GPN2: variants seen among roughly 807,000 people sequenced by gnomAD.
GPN2 encodes GPN-loop GTPase 2.
A neutral mutation model predicts 30.1 loss-of-function variants in GPN2; 27 were observed. The ratio of observed to expected loss-of-function variants is 0.90; its 90% CI spans 0.66 to 1.24. GPN2 has a LOEUF of 1.24. Among genes scored for constraint, GPN2 ranks in the 50% most tolerant of loss-of-function variants. The probability of loss-of-function intolerance (pLI) is 0.00; values close to 1 mark genes in which losing one functional copy is unlikely to be tolerated. For missense variants in GPN2, 406 were observed against 405.4 expected (o/e 1.00, Z -0.01); for synonymous variants, 212 against 174.4 (o/e 1.22, Z -1.70).
Position 26,884,196 on chromosome 1 carries a change from A to G in GPN2, c.824T>C (p.Met275Thr). 6.2e-7 allele frequency: 1 copy of G among 1,614,120 alleles called. No individual in the cohort carries two copies. Among genetic ancestry groups the G allele is most frequent in the Non-Finnish European group, 8.5e-7 (1 of 1,180,018 alleles). ...AQEQRSLEAM[M>T]SAAMGADFHF... The stretch of plus-strand genomic sequence containing the variant: ...GAAGTCGGCTCCCATTGCGGCAGAC[A>G]TCATGGCTTCCAAGCTTCGCTGCTC... Residue 275 changes from methionine (M) to threonine (T), a missense_variant, in exon 4 of 5, where the codon ATG becomes ACG. Physicochemically the swap from Met to Thr is moderately conservative, Grantham distance 81 (BLOSUM62 -1). Coordinates refer to ENST00000374135, the MANE Select transcript of GPN2 (RefSeq NM_018066.4).
intron 4 of GPN2, among the ~76,000 whole-genome samples, chr1:26,883,489 G>A (rs2124294527): frequency 6.6e-6 from 1 of 151,762 alleles, no homozygotes; most frequent in South Asian, 2.1e-4. Flanking sequence ...TGATCAATAT[G>A]AAATCAGTCA....
rs544334435 is a variant in GPN2, at chr1:26,884,118, G to A, written c.860+42C>T. 29 of 1,568,100 alleles carry A rather than the reference G, an allele frequency of 1.8e-5. No individual in the cohort carries two copies. The South Asian group carries it at 3.2e-4, about 17-fold the overall frequency. On this transcript the variant is annotated intron_variant, in intron 4 of 4. Coordinates refer to ENST00000374135, the MANE Select transcript of GPN2 (RefSeq NM_018066.4). ...TCCTGTGGCCATTCTTGAGTCCCATGTCTCACCCTCTCTGCTATGGCCAGG... is the reference window on the plus strand; with the variant it reads ...TCCTGTGGCCATTCTTGAGTCCCATATCTCACCCTCTCTGCTATGGCCAGG...
At chr1:26,885,010 T>G (rs2081883535) in intron 3 of GPN2, among the ~76,000 whole-genome samples, 1 of 152,086 alleles carries the variant, frequency 6.6e-6, no homozygotes, top group African/African-American at 2.4e-5. Flanking sequence ...AAAAAAACTA[T>G]AACTGTTTCC....
In GPN2 at chr1:26,876,972, C is replaced by T. The variant is rs2081840295; in HGVS notation, c.*2705G>A. On this transcript the variant is annotated 3_prime_UTR_variant, in exon 5 of 5. Transcript: ENST00000374135. The stretch of plus-strand genomic sequence containing the variant: ...CTCTGTGAGTGGCAAGCATCAAAAC[C>T]CACGACCACAGCCGTTGGTACTGCT... 6.6e-6 allele frequency: 1 copy of T among 151,872 alleles called. No homozygotes were observed. The highest frequency in any genetic ancestry group is 2.4e-5 in the African/African-American group (1 of 41,304). 9.4% of individuals were successfully genotyped at this position (151,872 alleles called of 1,614,324 possible). A position where few individuals can be genotyped will look rare whatever the true frequency, so the allele number is the denominator to read the frequency against.
chr1:26,884,854 T>C (rs2081882810), intron 3 of GPN2, among the ~76,000 whole-genome samples: 1 of 152,150 alleles, frequency 6.6e-6, no homozygotes, highest in African/African-American at 2.4e-5. Flanking sequence ...TGGTGATGGA[T>C]GCCTGTAATC....
chr1:26,880,631 TAA>T (rs1192731741), intron 4 of GPN2, among the ~76,000 whole-genome samples: 2 of 145,890 alleles, frequency 1.4e-5, no homozygotes, highest in Non-Finnish European at 3.0e-5. Flanking sequence ...TTTTATACTT[TAA>T]AAAAAAAAAA....
chr1:26,884,258 A>G lies in GPN2; in HGVS notation c.762T>C (p.Ala254=), dbSNP rs746516302. The G allele has an allele frequency of 4.3e-6, 7 of 1,613,636 alleles. No individual in the cohort carries two copies. In the East Asian group the frequency reaches 1.6e-4, roughly 36 times the overall value. ...DKESIQRVLQ[A]VDKANGYCFR... ...AACAGTATCCATTGGCTTTATCCAC[A>G]GCCTGCAGGACTCGCTGGATGCTCT... Residue 254 remains alanine (A), a synonymous_variant, in exon 4 of 5, where the codon GCT becomes GCC. Coordinates refer to ENST00000374135, the MANE Select transcript of GPN2 (RefSeq NM_018066.4).
rs1218069985 is a variant in GPN2, at chr1:26,877,781, A to T, written c.*1896T>A. ...CCGGGTGCAGTGGCTCACGCCTGTAATCCCAGCACTTTGGGAGGCCAAGGC... is the reference window on the plus strand; with the variant it reads ...CCGGGTGCAGTGGCTCACGCCTGTATTCCCAGCACTTTGGGAGGCCAAGGC... On this transcript the variant is annotated 3_prime_UTR_variant, in exon 5 of 5. Coordinates refer to ENST00000374135, the MANE Select transcript of GPN2 (RefSeq NM_018066.4). 4 of 152,352 alleles carry T rather than the reference A, an allele frequency of 2.6e-5. No individual in the cohort carries two copies. The highest frequency in any genetic ancestry group is 4.8e-5 in the African/African-American group (2 of 41,460). 9.4% of individuals were successfully genotyped at this position (152,352 alleles called of 1,614,324 possible). A position where few individuals can be genotyped will look rare whatever the true frequency, so the allele number is the denominator to read the frequency against.
In GPN2 at chr1:26,890,059, G is replaced by A. The variant is rs1447943290; in HGVS notation, c.38C>T (p.Ala13Val). 17 of 1,575,542 alleles carry A rather than the reference G, an allele frequency of 1.1e-5. No homozygotes were observed. In the East Asian group the frequency reaches 3.2e-4, roughly 29 times the overall value. The change falls in exon 1 of 5, where the codon GCG (alanine) becomes GTG (valine). Residue 13 changes from alanine to valine, a missense_variant. Physicochemically the swap from Ala to Val is moderately conservative, Grantham distance 64. Coordinates refer to ENST00000374135, the MANE Select transcript of GPN2 (RefSeq NM_018066.4). ...CCCTGAGCCCGGCGGGCCGATCACC[G>A]CCTGCCCGAAGGCCGTGGTCGGAGC... ...GAAPTTAFGQAVIGPPGSGKT... is the reference protein window; with the variant it reads ...GAAPTTAFGQVVIGPPGSGKT...
chr1:26,890,106 G>A lies in GPN2; in HGVS notation c.-10C>T, dbSNP rs2081913873. On this transcript the variant is annotated 5_prime_UTR_variant, in exon 1 of 5. Transcript: ENST00000374135. ...GAGCGGCCCCTGCCATTGGCGGCCC[G>A]CGGCCCGGAGCAGGTCAACTCACAG... 6.6e-7 allele frequency: 1 copy of A among 1,506,920 alleles called. No homozygotes were observed. The highest frequency in any genetic ancestry group is 8.8e-7 in the Non-Finnish European group (1 of 1,135,236). 93.3% of individuals were successfully genotyped at this position (1,506,920 alleles called of 1,614,324 possible). A position where few individuals can be genotyped will look rare whatever the true frequency, so the allele number is the denominator to read the frequency against.
chr1:26,882,928 G>T (rs2081871692), intron 4 of GPN2, among the ~76,000 whole-genome samples: 1 of 152,198 alleles, frequency 6.6e-6, no homozygotes. Flanking sequence ...CTAAGCCAGA[G>T]ATCTGGGAAG....
rs770679034 is a variant in GPN2 at position 26,890,065 on chromosome 1, C to CTTCG, written c.31_32insCGAA (p.Gly11AlafsTer22). 1.9e-6 allele frequency: 3 copies of CTTCG among 1,569,820 alleles called. No individual in the cohort carries two copies. The highest frequency in any genetic ancestry group is 3.5e-5 in the Admixed American group (2 of 57,430). ...GCCCGGCGGGCCGATCACCGCCTGC[C>CTTCG]CGAAGGCCGTGGTCGGAGCGGCCCC... On this transcript the variant is annotated frameshift_variant, in exon 1 of 5. Coordinates refer to ENST00000374135, the MANE Select transcript of GPN2 (RefSeq NM_018066.4). LOFTEE classifies it high-confidence loss of function.
rs2081841357 is a variant in GPN2, at chr1:26,877,223, A to C, written c.*2454T>G. ...ACTTCTCAGATGAAAGAGGCTGGGAAGCAGCACCCAGTTATTATCCCCTTT... is the reference window on the plus strand; with the variant it reads ...ACTTCTCAGATGAAAGAGGCTGGGACGCAGCACCCAGTTATTATCCCCTTT... On this transcript the variant is annotated 3_prime_UTR_variant, in exon 5 of 5. Transcript: ENST00000374135. The C allele has an allele frequency of 1.3e-5, 2 of 152,194 alleles. No individual in the cohort carries two copies. Among genetic ancestry groups the C allele is most frequent in the Admixed American group, 1.3e-4 (2 of 15,262 alleles). 9.4% of individuals were successfully genotyped at this position (152,194 alleles called of 1,614,324 possible).
chr1:26,876,867 G>A lies in GPN2; in HGVS notation c.*2810C>T, dbSNP rs2081839840. 1 of 151,822 alleles carries A rather than the reference G, an allele frequency of 6.6e-6. No individual in the cohort carries two copies. Among genetic ancestry groups the A allele is most frequent in the Admixed American group, 6.6e-5 (1 of 15,186 alleles). The allele number at this position is 151,822 out of a possible 1,614,324, so 9.4% of individuals were successfully genotyped here. A position where few individuals can be genotyped will look rare whatever the true frequency, so the allele number is the denominator to read the frequency against. On this transcript the variant is annotated 3_prime_UTR_variant, in exon 5 of 5. Coordinates refer to ENST00000374135, the MANE Select transcript of GPN2 (RefSeq NM_018066.4). Reference sequence around the variant, plus strand: ...ACTCCATGGGTGCAGAGAATGCTGAGGGTGCTTGCATACGAGACCATAAAG... The same window carrying A: ...ACTCCATGGGTGCAGAGAATGCTGAAGGTGCTTGCATACGAGACCATAAAG...
rs993398328 is a variant in GPN2 at position 26,877,046 on chromosome 1, G to C, written c.*2631C>G. 6.6e-6 allele frequency: 1 copy of C among 152,208 alleles called. No individual in the cohort carries two copies. The highest frequency in any genetic ancestry group is 6.6e-5 in the Admixed American group (1 of 15,256). The allele number at this position is 152,208 out of a possible 1,614,324, so 9.4% of individuals were successfully genotyped here. A position where few individuals can be genotyped will look rare whatever the true frequency, so the allele number is the denominator to read the frequency against. ...AATGCCCTGATAAAGGATTTGTCCA[G>C]TAGCCTGGGCGTCAGGATTCCTGGG... On this transcript the variant is annotated 3_prime_UTR_variant, in exon 5 of 5. Coordinates refer to ENST00000374135, the MANE Select transcript of GPN2 (RefSeq NM_018066.4).
intron 4 of GPN2, among the ~76,000 whole-genome samples, chr1:26,883,477 A>G (rs573856184): frequency 1.3e-5 from 2 of 151,828 alleles, no homozygotes; most frequent in East Asian, 3.9e-4. Flanking sequence ...AGGAAGCCCA[A>G]CTGATCAATA....
intron 4 of GPN2, among the ~76,000 whole-genome samples, chr1:26,880,473 C>T (rs2081858791): frequency 6.6e-6 from 1 of 152,184 alleles, no homozygotes; most frequent in Admixed American, 6.5e-5. Flanking sequence ...CCAGCACACC[C>T]AGCTAATTTT....
At chr1:26,886,469 G>A in intron 2 of GPN2, 1 of 458,796 alleles carries the variant, frequency 2.2e-6, no homozygotes, top group East Asian at 6.8e-5. Context: ...GCCGAGGTGG[G>A]TGATTACCTG....
intron 2 of GPN2, chr1:26,886,479 G>A (rs1438645740): frequency 2.2e-6 from 1 of 457,302 alleles, no homozygotes; most frequent in East Asian, 6.8e-5. Flanking sequence ...GTGATTACCT[G>A]AGGTCAGGAG....
Sources: allele counts gnomAD v4.1 joint callset (sites outside exome capture counted in the v4.1 genomes callset), GRCh38; gene constraint gnomAD v4.1.1; transcripts MANE v1.5; gene names NCBI Gene and HGNC (gene_info 2026-07-23, HGNC 2026-07-21).